DEAF1: variants seen among roughly 807,000 people sequenced by gnomAD.
DEAF1 encodes the protein DEAF1 transcription factor.
In DEAF1, 53 loss-of-function variants were observed where a neutral mutation model predicts 58.9. That is an observed-to-expected ratio of 0.90 (90% CI 0.72 to 1.13). DEAF1 has a LOEUF of 1.13. Ranked by LOEUF, DEAF1 falls within the 50% of genes most tolerant of loss-of-function variation. The pLI is 0.00. For missense variants in DEAF1, 685 were observed against 791.4 expected (o/e 0.87, Z 1.61); for synonymous variants, 385 against 340.4 (o/e 1.13, Z -1.44).
intron 11 of DEAF1, among the ~76,000 whole-genome samples, chr11:645,160 C>CA (rs80108345): frequency 0.55 from 54,963 of 100,764 alleles, 13,561 homozygotes; most frequent in East Asian, 0.68. Context: ...AACTCCATAT[C>CA]AAAAAAAAAA....
intron 11 of DEAF1, among the ~76,000 whole-genome samples, chr11:650,174 A>G (rs1029165555): frequency 1.3e-5 from 2 of 152,010 alleles, no homozygotes; most frequent in Non-Finnish European, 2.9e-5. Flanking sequence ...CAGGAGTTTG[A>G]GACCAGCCTG....
intron 9 of DEAF1, among the ~76,000 whole-genome samples, chr11:676,700 C>T (rs1030813990): frequency 8.5e-5 from 13 of 152,252 alleles, no homozygotes; most frequent in South Asian, 2.1e-4. Context: ...GATGGGGTTT[C>T]TCCACGTTGG....
At position 669,080 on chromosome 11, in the gene DEAF1, C is replaced by T. The variant is rs183185353; in HGVS notation, c.1503+5456G>A. On this transcript the variant is annotated intron_variant, in intron 10 of 11. Coordinates refer to ENST00000382409, the MANE Select transcript of DEAF1 (RefSeq NM_021008.4). ...GACCTTGTGATCTGCCCGCCTCGGC[C>T]TCCCAAACTGCTGGGATTACAGGCG... Among the ~76,000 whole-genome samples the T allele has an allele frequency of 5.2e-4, 79 of 151,246 alleles. 2 individuals carry two copies. In the East Asian group the frequency reaches 0.012, roughly 24 times the overall value.
intron 1 of DEAF1, chr11:704,405 C>T: frequency 4.8e-6 from 6 of 1,262,926 alleles, no homozygotes; most frequent in Non-Finnish European, 6.2e-6. Flanking sequence ...CCCAGTTGTC[C>T]TGGGCCGACT....
At chr11:655,294 G>A (rs1858987233) in intron 10 of DEAF1, among the ~76,000 whole-genome samples, 1 of 151,978 alleles carries the variant, frequency 6.6e-6, no homozygotes, top group African/African-American at 2.4e-5. Context: ...GCTGGTTTCT[G>A]TGGTGGATTG....
intron 1 of DEAF1, chr11:706,076 C>G (rs1262111018): frequency 6.6e-6 from 1 of 152,126 alleles, no homozygotes; most frequent in Admixed American, 6.5e-5. Context: ...GGGGCGCCTC[C>G]ATCCCACGCC....
At chr11:681,703 C>A (rs1860383004) in intron 6 of DEAF1, among the ~76,000 whole-genome samples, 1 of 151,980 alleles carries the variant, frequency 6.6e-6, no homozygotes, top group Non-Finnish European at 1.5e-5. Context: ...AGCCACCACG[C>A]CCGGCCGACT....
At chr11:645,565 G>A (rs373011558) in intron 11 of DEAF1, among the ~76,000 whole-genome samples, 11 of 152,108 alleles carry the variant, frequency 7.2e-5, no homozygotes, top group East Asian at 5.8e-4. Context: ...GGATCTGCCC[G>A]CCTCGGCCTC....
At chr11:687,381 G>A (rs1860639608) in intron 4 of DEAF1, among the ~76,000 whole-genome samples, 2 of 152,294 alleles carry the variant, frequency 1.3e-5, no homozygotes, top group South Asian at 4.1e-4. Context: ...GGGTCACGAT[G>A]GCTTTTCACC....
upstream of DEAF1, among the ~76,000 whole-genome samples, chr11:696,347 C>T (rs553052147): frequency 6.6e-6 from 1 of 152,186 alleles, no homozygotes; most frequent in South Asian, 2.1e-4. Context: ...CTCCCATACG[C>T]GGGCGCTGAA....
intron 4 of DEAF1, 76 bp from the exon 5 acceptor site, chr11:687,073 C>A: frequency 6.3e-7 from 1 of 1,597,802 alleles, no homozygotes; most frequent in Non-Finnish European, 8.5e-7. Context: ...CCTGGCGCCT[C>A]CTCAACCCCT....
At chr11:687,329 C>T (rs1397165062) in intron 4 of DEAF1, among the ~76,000 whole-genome samples, 1 of 152,252 alleles carries the variant, frequency 6.6e-6, no homozygotes, top group African/African-American at 2.4e-5. Flanking sequence ...ACGTCCCAGC[C>T]CTGCCTCCCT....
intron 10 of DEAF1, among the ~76,000 whole-genome samples, chr11:667,617 C>T (rs889845603): frequency 2.0e-5 from 3 of 151,642 alleles, no homozygotes; most frequent in African/African-American, 7.3e-5. Context: ...ACCGGTCTGG[C>T]CAACATGGCA....
chr11:703,673 AGCTCTGCCT>A, intron 1 of DEAF1: 1 of 1,232,390 alleles, frequency 8.1e-7, no homozygotes, highest in Non-Finnish European at 1.0e-6. Context: ...GAGCAACCCC[AGCTCTGCCT>A]CACAGGCAGG....
chr11:687,475 C>T (rs900088364), intron 4 of DEAF1, among the ~76,000 whole-genome samples: 2 of 152,236 alleles, frequency 1.3e-5, no homozygotes, highest in East Asian at 3.8e-4. Context: ...TCACCTGCAC[C>T]TTTTGTCTTG....
At chr11:670,946 T>TTTTTTTA (rs1859796584) in intron 10 of DEAF1, among the ~76,000 whole-genome samples, 1 of 145,280 alleles carries the variant, frequency 6.9e-6, no homozygotes, top group Non-Finnish European at 1.5e-5. Context: ...TTTTTTTTTT[T>TTTTTTTA]GAGACAGAGT....
upstream of DEAF1, chr11:695,810 G>C: frequency 8.1e-7 from 1 of 1,232,458 alleles, no homozygotes; most frequent in East Asian, 3.2e-5. Flanking sequence ...CGACGGACCG[G>C]CGGGCGGGGC....
chr11:648,024 G>A (rs867990602), intron 11 of DEAF1, among the ~76,000 whole-genome samples: 1 of 110,368 alleles, frequency 9.1e-6, no homozygotes, highest in Admixed American at 9.5e-5. Context: ...GCGGTGCTGG[G>A]AGCAGGTGGG....
At chr11:655,381 G>A (rs1033004023) in intron 10 of DEAF1, among the ~76,000 whole-genome samples, 1 of 152,224 alleles carries the variant, frequency 6.6e-6, no homozygotes, top group African/African-American at 2.4e-5. Context: ...TCAGCGCATA[G>A]GTCAACATGC....
Sources: gnomAD v4.1 joint callset for allele counts (sites outside exome capture counted in the v4.1 genomes callset) on GRCh38, gnomAD v4.1.1 for gene constraint, MANE v1.5 for transcripts, NCBI Gene and HGNC (gene_info 2026-07-23, HGNC 2026-07-21) for gene names.